STRN: variants seen among roughly 807,000 people sequenced by gnomAD.
STRN encodes the protein protein phosphatase 2 regulatory subunit B'''alpha.
Under a neutral mutation model 96.3 loss-of-function variants are expected in STRN, and 53 were observed. That is an observed-to-expected ratio of 0.55 (90% CI 0.44 to 0.69). The LOEUF is 0.69. STRN is among the 30% of genes least tolerant of loss of function. The probability of loss-of-function intolerance (pLI) is 0.00; values close to 1 mark genes in which losing one functional copy is unlikely to be tolerated. For missense variants in STRN, 987 were observed against 963.9 expected, an observed-to-expected ratio of 1.02 and a Z score of -0.32; for synonymous variants, 428 against 355.9, an observed-to-expected ratio of 1.20 and a Z score of -2.28.
chr2:36,950,213 G>GTTTTTTTTTTT (rs745506504), intron 1 of STRN, among the ~76,000 whole-genome samples: 4 of 109,046 alleles, frequency 3.7e-5, no homozygotes, highest in Admixed American at 1.0e-4. Context: ...GTTTGGTTTT[G>GTTTTTTTTTTT]TTTTTTTTTT....
chr2:36,850,097 A>G (rs1230327904), intron 16 of STRN, among the ~76,000 whole-genome samples: 1 of 152,246 alleles, frequency 6.6e-6, no homozygotes, highest in Non-Finnish European at 1.5e-5. Context: ...GAACTTAGAC[A>G]TTATTAATCA....
intron 13 of STRN, 76 bp downstream of exon 13, chr2:36,861,056 C>T (rs1668466764): frequency 5.2e-6 from 8 of 1,537,406 alleles, no homozygotes; most frequent in South Asian, 2.5e-5. Context: ...CTCTTTATCT[C>T]TTCCTTTTAT....
intron 15 of STRN, among the ~76,000 whole-genome samples, chr2:36,853,619 A>C (rs1310416392): frequency 6.6e-6 from 1 of 152,214 alleles, no homozygotes; most frequent in Non-Finnish European, 1.5e-5. Flanking sequence ...CCACAGTCAA[A>C]TCGCCATTGA....
intron 5 of STRN, among the ~76,000 whole-genome samples, chr2:36,900,047 C>T (rs1157615324): frequency 6.6e-6 from 1 of 152,062 alleles, no homozygotes; most frequent in African/African-American, 2.4e-5. Context: ...AGCCACCACA[C>T]CCTGCTAATT....
chr2:36,925,147 A>T lies in STRN; in HGVS notation c.296T>A (p.Val99Glu). 2.5e-6 allele frequency: 4 copies of T among 1,613,912 alleles called. No individual in the cohort carries two copies. Among genetic ancestry groups the T allele is most frequent in the Non-Finnish European group, 3.4e-6 (4 of 1,179,822 alleles). ...KGQENLKKDLVRRIKMLEYAL... is the reference protein window; with the variant it reads ...KGQENLKKDLERRIKMLEYAL... ...ATACTCCAACATTTTGATCCTCCTC[A>T]CAAGATCCTTCTTCAAATTTTCTTG... Residue 99 changes from valine to glutamate, a missense_variant, in exon 2 of 18, where the codon GTG (valine) becomes GAG (glutamate). Transcript: ENST00000263918.
chr2:36,915,786 C>G lies in STRN; in HGVS notation c.412+292G>C, dbSNP rs186995030. 1.8e-3 allele frequency among the ~76,000 whole-genome samples: 279 copies of G among 152,262 alleles called. 4 individuals are homozygous for G. The highest frequency in any genetic ancestry group is 0.017 in the Admixed American group (266 of 15,300). On this transcript the variant is annotated intron_variant, in intron 3 of 17. Transcript: ENST00000263918. ...AAAGTTCCCATTAACTCTGGGCAGA[C>G]CCAGCAAGACAAGGTTATGCTGGTG...
chr2:36,857,915 A>G lies in STRN; in HGVS notation c.1778T>C (p.Leu593Pro), dbSNP rs753420435. 2 of 1,614,162 alleles carry G rather than the reference A, an allele frequency of 1.2e-6. No homozygotes were observed. Among genetic ancestry groups the G allele is most frequent in the Non-Finnish European group, 1.7e-6 (2 of 1,180,016 alleles). Residue 593 changes from leucine (L) to proline (P), a missense_variant, in exon 14 of 18, where the codon CTG becomes CCG. Physicochemically the swap from Leu to Pro is moderately conservative, Grantham distance 98. Transcript: ENST00000263918. ...AACCTCAGTTGTATTCCATAAACGC[A>G]GAGTGCCATCTGCTGAACAGGACAA... ...RLLSCSADGTLRLWNTTEVAP... is the reference protein window; with the variant it reads ...RLLSCSADGTPRLWNTTEVAP...
At chr2:36,929,089 G>A (rs191098986) in intron 1 of STRN, among the ~76,000 whole-genome samples, 36 of 152,208 alleles carry the variant, frequency 2.4e-4, no homozygotes, top group Admixed American at 1.2e-3. Context: ...CAAGGAAAAT[G>A]AATGTTGAAC....
chr2:36,884,144 T>C (rs1402930116), intron 8 of STRN, 69 bp from the exon 9 acceptor site: 2 of 1,251,944 alleles, frequency 1.6e-6, no homozygotes, highest in Admixed American at 3.5e-5. Flanking sequence ...TGCATCAAAA[T>C]GGTATTATAA....
rs1665171752 is a variant in STRN at position 36,966,535 on chromosome 2, T to A, written c.-72A>T. 1.6e-5 allele frequency: 21 copies of A among 1,339,318 alleles called. 2 individuals are homozygous for A. In the East Asian group the frequency reaches 6.7e-4, roughly 43 times the overall value. 83.0% of individuals were successfully genotyped at this position (1,339,318 alleles called of 1,614,324 possible). On this transcript the variant is annotated 5_prime_UTR_variant, in exon 1 of 18. Coordinates refer to ENST00000263918, the MANE Select transcript of STRN (RefSeq NM_003162.4). ...GGCAACAGCGGCGGCAAGCAGCGCC[T>A]CCTCCTCCCTCCGCCGCTCCCGCCC...
At chr2:36,920,175 A>G (rs1254771045) in intron 2 of STRN, among the ~76,000 whole-genome samples, 3 of 152,238 alleles carry the variant, frequency 2.0e-5, no homozygotes, top group Admixed American at 2.0e-4. Flanking sequence ...GGCTGTATAT[A>G]AAAGACATTA....
At position 36,894,001 on chromosome 2, in the gene STRN, A is replaced by C; in HGVS notation, c.828T>G (p.Gly276=). 6.2e-7 allele frequency: 1 copy of C among 1,613,448 alleles called. No homozygotes were observed. The highest frequency in any genetic ancestry group is 8.5e-7 in the Non-Finnish European group (1 of 1,179,840). The change falls in exon 7 of 18, where the codon GGT becomes GGG. Residue 276 remains glycine, a synonymous_variant. Transcript: ENST00000263918. ...GAGCTTCTTTTGTATCTCGATCTTC[A>C]CCGCTGTCAGGCAATGCTTTTTTCC... ...IVRKKALPDS[G]EDRDTKEALK...
intron 2 of STRN, among the ~76,000 whole-genome samples, chr2:36,923,382 C>T (rs201977247): frequency 1.5e-5 from 2 of 129,610 alleles, no homozygotes; most frequent in East Asian, 2.7e-4. Context: ...GCCCAGAAGG[C>T]GGAGGTTGCA....
chr2:36,885,060 A>G (rs1303149681), intron 8 of STRN, among the ~76,000 whole-genome samples: 1 of 152,158 alleles, frequency 6.6e-6, no homozygotes, highest in Non-Finnish European at 1.5e-5. Flanking sequence ...CATACTAAAA[A>G]AAAACCATGT....
intron 12 of STRN, among the ~76,000 whole-genome samples, chr2:36,864,115 G>A (rs1424074920): frequency 2.6e-5 from 4 of 152,104 alleles, no homozygotes; most frequent in African/African-American, 9.7e-5. Context: ...AAGACAGTTT[G>A]ACTGCCTTTC....
At chr2:36,964,547 A>C (rs1047119536) in intron 1 of STRN, among the ~76,000 whole-genome samples, 11 of 152,206 alleles carry the variant, frequency 7.2e-5, no homozygotes, top group African/African-American at 2.4e-4. Context: ...AGATCGACTA[A>C]ATACTACAGC....
chr2:36,893,809 C>G lies in STRN; in HGVS notation c.931+89G>C, dbSNP rs1460499116. 3.4e-6 allele frequency: 5 copies of G among 1,450,670 alleles called. No homozygotes were observed. In the East Asian group the frequency reaches 9.5e-5, roughly 28 times the overall value. The allele number at this position is 1,450,670 out of a possible 1,614,324, so 89.9% of individuals were successfully genotyped here. A position where few individuals can be genotyped will look rare whatever the true frequency, so the allele number is the denominator to read the frequency against. On this transcript the variant is annotated intron_variant, in intron 7 of 17. Transcript: ENST00000263918. Reference sequence around the variant, plus strand: ...GTTCACAGAATGCTCAATATTTCAACATTATAGTTAAGATGTTGCCCTCCT... The same window carrying G: ...GTTCACAGAATGCTCAATATTTCAAGATTATAGTTAAGATGTTGCCCTCCT...
At chr2:36,921,266 T>A in intron 2 of STRN, among the ~76,000 whole-genome samples, 1 of 152,140 alleles carries the variant, frequency 6.6e-6, no homozygotes, top group Non-Finnish European at 1.5e-5. Context: ...GGAGTCTACT[T>A]AGCATCTTCA....
At chr2:36,940,836 C>CA (rs56996485) in intron 1 of STRN, among the ~76,000 whole-genome samples, 5,558 of 46,088 alleles carry the variant, frequency 0.12, 535 homozygotes, top group African/African-American at 0.15. Context: ...GACTCTGTCT[C>CA]AAAAAAAAAA....
Sources: gnomAD v4.1 joint callset for allele counts (sites outside exome capture counted in the v4.1 genomes callset) on GRCh38, gnomAD v4.1.1 for gene constraint, MANE v1.5 for transcripts, NCBI Gene and HGNC (gene_info 2026-07-23, HGNC 2026-07-21) for gene names.